The following DGKH variants were observed in gnomAD, a reference collection of about 807,000 sequenced individuals.
DGKH encodes the protein DAG kinase eta.
DGKH carries 90 observed loss-of-function variants against 159.3 expected under a neutral mutation model. The observed-to-expected ratio is 0.57, with a 90% CI of 0.48 to 0.67. The LOEUF is 0.67. DGKH is among the 30% of genes least tolerant of loss of function. The probability of loss-of-function intolerance (pLI) is 0.00; values close to 1 mark genes in which losing one functional copy is unlikely to be tolerated. For synonymous variants in DGKH, 536 were observed against 553.8 expected, an observed-to-expected ratio of 0.97 and a Z score of 0.45; for missense variants, 1,181 against 1,506.1, an observed-to-expected ratio of 0.78 and a Z score of 3.57.
chr13:42,178,826 A>C (rs552036316), intron 13 of DGKH, among the ~76,000 whole-genome samples: 1 of 152,328 alleles, frequency 6.6e-6, no homozygotes, highest in East Asian at 1.9e-4. Context: ...GACTAGAAGA[A>C]GGGGTGACAC....
At chr13:42,069,184 T>A (rs1882791681) in intron 1 of DGKH, 1 of 1,324,246 alleles carries the variant, frequency 7.6e-7, no homozygotes, top group African/African-American at 1.5e-5. Context: ...CATTTCAGGA[T>A]CTTCTTTCCT....
intron 3 of DGKH, among the ~76,000 whole-genome samples, chr13:42,149,864 C>CT (rs930013489): frequency 6.6e-6 from 1 of 152,162 alleles, no homozygotes; most frequent in Non-Finnish European, 1.5e-5. Flanking sequence ...CCAGAAAACT[C>CT]TTATTTTTCA....
chr13:42,189,085 C>G lies in DGKH; in HGVS notation c.1688C>G (p.Thr563Arg). Residue 563 changes from threonine to arginine, a missense_variant, in exon 15 of 30, where the codon ACA becomes AGA. By Grantham distance (71) the Thr-to-Arg change is moderately conservative. Transcript: ENST00000337343. ...GAACAACTGCTGCAGGCTTTGCACA[C>G]AGATTCCCAGGCTGCGCCTGTTCTC... ...KLEQLLQALHTDSQAAPVLPG... is the reference protein window; with the variant it reads ...KLEQLLQALHRDSQAAPVLPG... 1 of 1,614,164 alleles carries G rather than the reference C, an allele frequency of 6.2e-7. No homozygotes were observed. The highest frequency in any genetic ancestry group is 8.5e-7 in the Non-Finnish European group (1 of 1,179,974).
At chr13:42,085,068 CATATG>C (rs1173137159) in intron 1 of DGKH, among the ~76,000 whole-genome samples, 2 of 151,816 alleles carry the variant, frequency 1.3e-5, no homozygotes, top group Admixed American at 1.3e-4. Context: ...TATGAATTGG[CATATG>C]ATATAATATA....
chr13:42,199,510 TA>T, intron 18 of DGKH, 55 bp from the exon 19 acceptor site: 1 of 1,225,674 alleles, frequency 8.2e-7, no homozygotes, highest in Non-Finnish European at 1.1e-6. Context: ...GTACAAATTG[TA>T]ATTGTTATAA....
chr13:42,230,241 T>C lies in DGKH; in HGVS notation c.*1053T>C, dbSNP rs373156560. On this transcript the variant is annotated 3_prime_UTR_variant, in exon 30 of 30. Transcript: ENST00000337343. ...ATTCCCTGAGGTGTCAACTGAGATT[T>C]ATATACTGACAGATAACCCAGACTC... 2 of 152,154 alleles carry C rather than the reference T, an allele frequency of 1.3e-5. No individual in the cohort carries two copies. The highest frequency in any genetic ancestry group is 4.8e-5 in the African/African-American group (2 of 41,456). The allele number at this position is 152,154 out of a possible 1,614,324, so 9.4% of individuals were successfully genotyped here.
chr13:42,114,017 C>T (rs1452120037), intron 1 of DGKH, among the ~76,000 whole-genome samples: 1 of 152,158 alleles, frequency 6.6e-6, no homozygotes, highest in African/African-American at 2.4e-5. Context: ...TTTAATTTCA[C>T]TCTCTACAAA....
At chr13:42,129,773 A>C in intron 3 of DGKH, 141 bp downstream of exon 3, 1 of 673,510 alleles carries the variant, frequency 1.5e-6, no homozygotes, top group Admixed American at 2.7e-5. Flanking sequence ...AGCTTTAAAT[A>C]CACTGTATAT....
intron 1 of DGKH, among the ~76,000 whole-genome samples, chr13:42,082,994 A>C (rs1954228176): frequency 6.6e-6 from 1 of 152,202 alleles, no homozygotes; most frequent in African/African-American, 2.4e-5. Flanking sequence ...AGAGGCTCTT[A>C]CTGCTGGGAC....
intron 3 of DGKH, among the ~76,000 whole-genome samples, chr13:42,154,180 C>T (rs1377983787): frequency 6.6e-6 from 1 of 152,112 alleles, no homozygotes; most frequent in Non-Finnish European, 1.5e-5. Flanking sequence ...GCTCTATAAT[C>T]CAATGTAATG....
intron 1 of DGKH, among the ~76,000 whole-genome samples, chr13:42,079,522 C>T (rs575800789): frequency 2.0e-5 from 3 of 152,042 alleles, no homozygotes; most frequent in Admixed American, 6.6e-5. Flanking sequence ...CTTAAAGAAA[C>T]CTCTAGGTTT....
chr13:42,229,180 G>A lies in DGKH; in HGVS notation c.3655G>A (p.Glu1219Lys). The A allele has an allele frequency of 6.2e-7, 1 of 1,609,110 alleles. No individual in the cohort carries two copies. Among genetic ancestry groups the A allele is most frequent in the Non-Finnish European group, 8.5e-7 (1 of 1,178,698 alleles). Residue 1219 changes from glutamate to lysine, a missense_variant, in exon 30 of 30, where the codon GAG becomes AAG. By Grantham distance (56) the Glu-to-Lys change is moderately conservative. Transcript: ENST00000337343. ...GCTTGGAAGGAGCACTCCACAGTCGGAGGTGTAATCATATTGGTGCTATTT... is the reference window on the plus strand; with the variant it reads ...GCTTGGAAGGAGCACTCCACAGTCGAAGGTGTAATCATATTGGTGCTATTT... ...KELGRSTPQS[E>K]V
At chr13:42,166,792 G>A (rs1309513377) in intron 9 of DGKH, 118 bp downstream of exon 9, 5 of 882,324 alleles carry the variant, frequency 5.7e-6, no homozygotes, top group African/African-American at 5.2e-5. Flanking sequence ...CGTTTTTAAA[G>A]CTCTAATTAT....
In DGKH at chr13:42,238,938, T is replaced by A. The variant is rs1958469072; in HGVS notation, c.*9750T>A. On this transcript the variant is annotated 3_prime_UTR_variant, in exon 30 of 30. Coordinates refer to ENST00000337343, the MANE Select transcript of DGKH (RefSeq NM_178009.5). Reference sequence around the variant, plus strand: ...GTATAATATGATAATTTGGAGCTCCTGTTGCATCTCACTGCCCCAAAAATG... The same window carrying A: ...GTATAATATGATAATTTGGAGCTCCAGTTGCATCTCACTGCCCCAAAAATG... The A allele has an allele frequency of 6.6e-6, 1 of 152,120 alleles. No homozygotes were observed. Among genetic ancestry groups the A allele is most frequent in the Admixed American group, 6.6e-5 (1 of 15,264 alleles). The allele number at this position is 152,120 out of a possible 1,614,324, so 9.4% of individuals were successfully genotyped here. A position where few individuals can be genotyped will look rare whatever the true frequency, so the allele number is the denominator to read the frequency against.
At chr13:42,245,601 T>C (rs1244544807), downstream of DGKH, among the ~76,000 whole-genome samples, 2 of 152,162 alleles carry the variant, frequency 1.3e-5, no homozygotes, top group African/African-American at 4.8e-5. Context: ...TTGTTTTTTT[T>C]TTGAAATGGA....
chr13:42,256,201 T>C lies in DGKH; in HGVS notation n.4128-83T>C, dbSNP rs532118935. 64 of 1,307,420 alleles carry C rather than the reference T, an allele frequency of 4.9e-5. No individual in the cohort carries two copies. The African/African-American group carries it at 8.8e-4, about 18-fold the overall frequency. The allele number at this position is 1,307,420 out of a possible 1,614,324, so 81.0% of individuals were successfully genotyped here. On this transcript the variant is annotated intron_variant and non_coding_transcript_variant, in intron 30 of 30. Coordinates refer to the DGKH transcript ENST00000498255. ...TTGCTGTAACAGTTGGAGGCAGCAG[T>C]GGACATTTTGAGTTGAATGTTTTCA...
chr13:42,107,906 T>C (rs2137792734), intron 1 of DGKH, among the ~76,000 whole-genome samples: 1 of 152,280 alleles, frequency 6.6e-6, no homozygotes, highest in African/African-American at 2.4e-5. Context: ...CTCAGAGGCA[T>C]GGAGGACAAA....
intron 1 of DGKH, among the ~76,000 whole-genome samples, chr13:42,112,185 G>A (rs931540329): frequency 6.6e-6 from 1 of 151,614 alleles, no homozygotes; most frequent in Non-Finnish European, 1.5e-5. Context: ...TTTTGTGAAT[G>A]AAAACAGACT....
At chr13:42,219,827 A>G in intron 28 of DGKH, 33 bp downstream of exon 28, 1 of 1,583,360 alleles carries the variant, frequency 6.3e-7, no homozygotes, top group Non-Finnish European at 8.6e-7. Context: ...GAAATATAAC[A>G]TTATGAAAAA....
Sources: gnomAD v4.1 joint callset for allele counts (sites outside exome capture counted in the v4.1 genomes callset) on GRCh38, gnomAD v4.1.1 for gene constraint, MANE v1.5 for transcripts, NCBI Gene and HGNC (gene_info 2026-07-23, HGNC 2026-07-21) for gene names.